Variants in LIPK observed in about 807,000 individuals in gnomAD.
LIPK encodes lipase member K.
Under a neutral mutation model 48.6 loss-of-function variants are expected in LIPK, and 32 were observed. The ratio of observed to expected loss-of-function variants is 0.66; its 90% CI spans 0.50 to 0.88. LIPK has a LOEUF of 0.88. Among genes scored for constraint, LIPK ranks in the 40% least tolerant of loss-of-function variants. The pLI is 0.00. For missense variants in LIPK, 507 were observed against 478.5 expected (o/e 1.06, Z -0.56); for synonymous variants, 164 against 157.4 (o/e 1.04, Z -0.32).
intron 1 of LIPK, among the ~76,000 whole-genome samples, chr10:88,713,308 C>T (rs1038919017): frequency 5.9e-5 from 9 of 152,218 alleles, no homozygotes; most frequent in South Asian, 2.1e-4. Flanking sequence ...TTAAAGTCAA[C>T]GCCATATAGT....
At chr10:88,708,066 T>C (rs1487608879) in intron 1 of LIPK, among the ~76,000 whole-genome samples, 1 of 152,142 alleles carries the variant, frequency 6.6e-6, no homozygotes, top group Non-Finnish European at 1.5e-5. Context: ...AACAACAGTC[T>C]TCTGGCAAAC....
At position 88,728,853 on chromosome 10, in the gene LIPK, T is replaced by A. The variant is rs1842403138; in HGVS notation, c.223+1941T>A. 1.7e-5 allele frequency: 3 copies of A among 177,274 alleles called. No homozygotes were observed. The South Asian group carries it at 3.3e-4, about 19-fold the overall frequency. 11.0% of individuals were successfully genotyped at this position (177,274 alleles called of 1,614,324 possible). A position where few individuals can be genotyped will look rare whatever the true frequency, so the allele number is the denominator to read the frequency against. On this transcript the variant is annotated intron_variant, in intron 3 of 9. Coordinates refer to ENST00000404190, the MANE Select transcript of LIPK (RefSeq NM_001080518.2). ...ACCAGCTCCTGCAGGGCCATAGTTG[T>A]GAAGAAGATTGACCCCTGCAATGGG...
At chr10:88,746,192 C>A (rs954562450) in intron 9 of LIPK, among the ~76,000 whole-genome samples, 1 of 152,114 alleles carries the variant, frequency 6.6e-6, no homozygotes, top group Non-Finnish European at 1.5e-5. Context: ...GACTTCAACA[C>A]CCCACTGACA....
intron 1 of LIPK, 135 bp from the exon 2 acceptor site, chr10:88,724,398 G>A: frequency 1.7e-6 from 1 of 599,290 alleles, no homozygotes; most frequent in Non-Finnish European, 2.9e-6. Flanking sequence ...GTATAATTCA[G>A]TATTCTACTG....
intron 1 of LIPK, among the ~76,000 whole-genome samples, chr10:88,713,439 A>G (rs1023120165): frequency 1.1e-4 from 16 of 150,760 alleles, no homozygotes; most frequent in African/African-American, 3.7e-4. Context: ...GACTAGAAAA[A>G]AAGAGGGATA....
At chr10:88,714,951 G>C (rs1439415533) in intron 1 of LIPK, among the ~76,000 whole-genome samples, 1 of 151,898 alleles carries the variant, frequency 6.6e-6, no homozygotes, top group Non-Finnish European at 1.5e-5. Flanking sequence ...TAGAAACTCA[G>C]ATAATTGATT....
intron 1 of LIPK, among the ~76,000 whole-genome samples, 160 bp from the exon 2 acceptor site, chr10:88,724,373 C>T (rs1324283760): frequency 6.6e-6 from 1 of 152,044 alleles, no homozygotes; most frequent in Non-Finnish European, 1.5e-5. Flanking sequence ...TTAGATTTTT[C>T]ATGGAATGAA....
chr10:88,736,307 C>A (rs1305640839), intron 6 of LIPK, among the ~76,000 whole-genome samples: 4 of 152,072 alleles, frequency 2.6e-5, no homozygotes, highest in African/African-American at 4.8e-5. Context: ...TAATAATAAG[C>A]CTTGTACATA....
intron 3 of LIPK, 135 bp from the exon 4 acceptor site, chr10:88,730,848 T>C: frequency 1.5e-6 from 1 of 687,806 alleles, no homozygotes; most frequent in South Asian, 2.1e-5. Flanking sequence ...CAGAAGGGAC[T>C]AGATCCCAGG....
chr10:88,718,336 G>A (rs1282816445), intron 1 of LIPK, among the ~76,000 whole-genome samples: 1 of 147,704 alleles, frequency 6.8e-6, no homozygotes, highest in Non-Finnish European at 1.5e-5. Flanking sequence ...GTATAATATA[G>A]GATGAAAATT....
chr10:88,748,969 A>G (rs1311913605), intron 9 of LIPK, among the ~76,000 whole-genome samples: 2 of 152,140 alleles, frequency 1.3e-5, no homozygotes, highest in Admixed American at 1.3e-4. Context: ...TCAATGTACC[A>G]AAATCAGTAA....
Position 88,719,253 on chromosome 10 carries a change from G to T in LIPK, c.-11-5280G>T, listed in dbSNP as rs567764666. ...TCTTAAGCCAACCCTACACGTAGGT[G>T]TTATTATCCTCACCATACAGATAAG... is the stretch of plus-strand genomic sequence containing the variant. On this transcript the variant is annotated intron_variant, in intron 1 of 9. Transcript: ENST00000404190. 3.9e-4 allele frequency among the ~76,000 whole-genome samples: 60 copies of T among 152,312 alleles called. 1 individual carries two copies. In the South Asian group the frequency reaches 0.011, roughly 29 times the overall value.
At chr10:88,743,456 T>A (rs1011062295) in intron 9 of LIPK, 135 bp downstream of exon 9, 5 of 610,960 alleles carry the variant, frequency 8.2e-6, no homozygotes, top group African/African-American at 5.5e-5. Flanking sequence ...GGCTGCTTAT[T>A]GGGTTCTTGC....
At chr10:88,718,347 T>A (rs990264147) in intron 1 of LIPK, among the ~76,000 whole-genome samples, 1 of 148,498 alleles carries the variant, frequency 6.7e-6, no homozygotes, top group Non-Finnish European at 1.5e-5. Flanking sequence ...GATGAAAATT[T>A]TATATATATA....
At chr10:88,740,316 A>G (rs450130) in intron 8 of LIPK, among the ~76,000 whole-genome samples, 119,209 of 152,202 alleles carry the variant, frequency 0.78, 47,608 homozygotes, top group East Asian at 1. Flanking sequence ...ATTCCAAACT[A>G]CATTTTAAGG....
chr10:88,731,909 T>C (rs1564983708), intron 4 of LIPK, among the ~76,000 whole-genome samples: 1 of 152,200 alleles, frequency 6.6e-6, no homozygotes, highest in Non-Finnish European at 1.5e-5. Context: ...GTAAATCTGT[T>C]ATAGAATTAA....
intron 1 of LIPK, among the ~76,000 whole-genome samples, chr10:88,718,335 A>G (rs566793847): frequency 1.3e-5 from 2 of 148,548 alleles, no homozygotes; most frequent in Non-Finnish European, 3.0e-5. Context: ...AGTATAATAT[A>G]GGATGAAAAT....
chr10:88,736,340 T>C (rs545813136), intron 6 of LIPK, among the ~76,000 whole-genome samples: 4 of 152,358 alleles, frequency 2.6e-5, no homozygotes, highest in African/African-American at 9.6e-5. Context: ...TTCCAGACTC[T>C]TCATTTTATC....
intron 9 of LIPK, 106 bp downstream of exon 9, chr10:88,743,427 G>T (rs1315662586): frequency 5.4e-6 from 4 of 734,460 alleles, no homozygotes; most frequent in Non-Finnish European, 9.3e-6. Context: ...ACTGGATATT[G>T]CTTATTGCTG....
Sources: gnomAD v4.1 joint callset for allele counts (sites outside exome capture counted in the v4.1 genomes callset) on GRCh38, gnomAD v4.1.1 for gene constraint, MANE v1.5 for transcripts, NCBI Gene and HGNC (gene_info 2026-07-23, HGNC 2026-07-21) for gene names.